The following SNTG2 variants were observed in gnomAD, a reference collection of about 807,000 sequenced individuals.
SNTG2 encodes syntrophin gamma 2, also known as gamma-2-syntrophin.
SNTG2 carries 74 observed loss-of-function variants against 70.9 expected under a neutral mutation model. The observed-to-expected ratio is 1.04, with a 90% CI of 0.86 to 1.27. The LOEUF is 1.27. Among genes scored for constraint, SNTG2 ranks in the 50% most tolerant of loss-of-function variants. The pLI is 0.00. For synonymous variants in SNTG2, 278 were observed against 273.8 expected (o/e 1.02, Z -0.15); for missense variants, 717 against 690.7 (o/e 1.04, Z -0.43).
intron 14 of SNTG2, among the ~76,000 whole-genome samples, chr2:1,275,310 A>G (rs1679223756): frequency 6.6e-6 from 1 of 152,176 alleles, no homozygotes; most frequent in Non-Finnish European, 1.5e-5. Flanking sequence ...TTTATTATTT[A>G]TTTTTAATTG....
rs978219678 is a variant in SNTG2, at chr2:1,192,844, A to G, written c.592-16259A>G. Among the ~76,000 whole-genome samples the G allele has an allele frequency of 2.6e-5, 4 of 152,320 alleles. No homozygotes were observed. The East Asian group carries it at 7.7e-4, about 29-fold the overall frequency. On this transcript the variant is annotated intron_variant, in intron 8 of 16. Transcript: ENST00000308624. The stretch of plus-strand genomic sequence containing the variant: ...GAGGTTTTGTGATGATAAAATGTGT[A>G]CGTTCACTGTCAGATTTATGGCAGA...
chr2:1,238,112 A>G, intron 10 of SNTG2, 95 bp downstream of exon 10: 1 of 1,429,678 alleles, frequency 7.0e-7, no homozygotes, highest in African/African-American at 1.4e-5. Context: ...GATTAACCCG[A>G]AACAGAAAAT....
chr2:1,210,343 A>T (rs929579603), intron 9 of SNTG2: 3 of 152,184 alleles, frequency 2.0e-5, no homozygotes, highest in Non-Finnish European at 2.9e-5. Flanking sequence ...TAGATGATAG[A>T]TAAAGTGGAT....
chr2:975,817 T>G (rs1227727445), intron 1 of SNTG2, among the ~76,000 whole-genome samples: 1 of 152,250 alleles, frequency 6.6e-6, no homozygotes, highest in African/African-American at 2.4e-5. Context: ...ATAGCTATTA[T>G]TACTGTGTTT....
intron 11 of SNTG2, among the ~76,000 whole-genome samples, chr2:1,240,357 G>T (rs990626515): frequency 6.6e-6 from 1 of 152,090 alleles, no homozygotes; most frequent in Non-Finnish European, 1.5e-5. Flanking sequence ...CACTTCCCAC[G>T]TCTATGAGTA....
At chr2:1,337,434 T>C (rs1017905891) in intron 16 of SNTG2, among the ~76,000 whole-genome samples, 1 of 152,318 alleles carries the variant, frequency 6.6e-6, no homozygotes, top group East Asian at 1.9e-4. Flanking sequence ...TATCTTCTAA[T>C]GATTATTGAT....
intron 16 of SNTG2, among the ~76,000 whole-genome samples, chr2:1,330,643 G>C (rs1433872877): frequency 6.6e-6 from 1 of 152,114 alleles, no homozygotes; most frequent in African/African-American, 2.4e-5. Flanking sequence ...CAATTAGTCG[G>C]GTTCCACAAC....
At chr2:1,152,577 T>TGTGC (rs1491268095) in intron 6 of SNTG2, among the ~76,000 whole-genome samples, 1 of 6,458 alleles carries the variant, frequency 1.5e-4, no homozygotes, top group Non-Finnish European at 3.7e-3. Flanking sequence ...CACATGTGCA[T>TGTGC]GTGTGTGTGT....
chr2:1,250,202 G>A (rs962116620), intron 12 of SNTG2, among the ~76,000 whole-genome samples: 22 of 152,194 alleles, frequency 1.4e-4, no homozygotes, highest in Admixed American at 1.1e-3. Context: ...CACAAAGTCC[G>A]TGCTCTGTCT....
intron 6 of SNTG2, among the ~76,000 whole-genome samples, chr2:1,153,165 T>C (rs1232610829): frequency 6.6e-6 from 1 of 151,304 alleles, no homozygotes; most frequent in African/African-American, 2.4e-5. Flanking sequence ...CCTAGACTGG[T>C]GTTTGGTTGA....
Position 1,327,311 on chromosome 2 carries a change from T to G in SNTG2, c.1488+10936T>G, listed in dbSNP as rs1681802360. Among the ~76,000 whole-genome samples the G allele has an allele frequency of 3.3e-5, 5 of 152,298 alleles. No individual in the cohort carries two copies. In the South Asian group the frequency reaches 8.3e-4, roughly 25 times the overall value. On this transcript the variant is annotated intron_variant, in intron 16 of 16. Coordinates refer to ENST00000308624, the MANE Select transcript of SNTG2 (RefSeq NM_018968.4). ...CAGATTTCAATATCATTTGTTTCTCTGAAATAAGGCAAAATATATAAGCTT... is the reference window on the plus strand; with the variant it reads ...CAGATTTCAATATCATTTGTTTCTCGGAAATAAGGCAAAATATATAAGCTT...
intron 15 of SNTG2, among the ~76,000 whole-genome samples, chr2:1,315,049 T>C (rs1156399650): frequency 6.6e-6 from 1 of 152,208 alleles, no homozygotes; most frequent in Non-Finnish European, 1.5e-5. Context: ...TTTTGGAATA[T>C]TCTCTTTCTA....
intron 1 of SNTG2, among the ~76,000 whole-genome samples, chr2:1,005,219 C>CT (rs1225860381): frequency 6.6e-6 from 1 of 152,132 alleles, no homozygotes; most frequent in Non-Finnish European, 1.5e-5. Flanking sequence ...GGCAGTGAAA[C>CT]TGAGTTGTAT....
At chr2:1,235,533 C>T (rs1676581754) in intron 9 of SNTG2, among the ~76,000 whole-genome samples, 1 of 73,916 alleles carries the variant, frequency 1.4e-5, no homozygotes, top group African/African-American at 6.8e-5. Context: ...CCACGCTGCC[C>T]TGAGGTCCCT....
chr2:1,068,595 G>C (rs1030284885), intron 1 of SNTG2, among the ~76,000 whole-genome samples: 1 of 152,136 alleles, frequency 6.6e-6, no homozygotes, highest in African/African-American at 2.4e-5. Flanking sequence ...CATTTTTATA[G>C]CCATTTTATA....
At chr2:1,340,095 G>A (rs2148294054) in intron 16 of SNTG2, among the ~76,000 whole-genome samples, 1 of 152,366 alleles carries the variant, frequency 6.6e-6, no homozygotes, top group Non-Finnish European at 1.5e-5. Context: ...ACAATTTTCT[G>A]TATGTTCCCA....
At chr2:1,095,623 G>A (rs1297188470) in intron 2 of SNTG2, among the ~76,000 whole-genome samples, 1 of 152,070 alleles carries the variant, frequency 6.6e-6, no homozygotes, top group Non-Finnish European at 1.5e-5. Flanking sequence ...GGTATTTCAG[G>A]ATATCTTCCT....
At chr2:1,271,521 C>G (rs905177300) in intron 14 of SNTG2, among the ~76,000 whole-genome samples, 31 of 151,994 alleles carry the variant, frequency 2.0e-4, no homozygotes, top group African/African-American at 7.3e-4. Context: ...GATAGGATGC[C>G]TTTGGCTACA....
chr2:1,048,601 G>A (rs1048217968), intron 1 of SNTG2, among the ~76,000 whole-genome samples: 1 of 152,072 alleles, frequency 6.6e-6, no homozygotes, highest in African/African-American at 2.4e-5. Context: ...GTGCTGTTAT[G>A]TGGTCTCGGT....
Sources: allele counts gnomAD v4.1 joint callset (sites outside exome capture counted in the v4.1 genomes callset), GRCh38; gene constraint gnomAD v4.1.1; transcripts MANE v1.5; gene names NCBI Gene and HGNC (gene_info 2026-07-23, HGNC 2026-07-21).